The following CELF2 variants were observed in gnomAD, a reference collection of about 807,000 sequenced individuals.
CELF2 encodes the protein CUGBP Elav-like family member 2.
A neutral mutation model predicts 62.6 loss-of-function variants in CELF2; 8 were observed. That is an observed-to-expected ratio of 0.13 (90% CI 0.07 to 0.23). The LOEUF (loss-of-function observed/expected upper bound fraction) is 0.23, where lower values mean the gene tolerates loss of function less well. Ranked by LOEUF, CELF2 falls within the 10% of genes least tolerant of loss-of-function variation. The probability of loss-of-function intolerance (pLI) is 1.00; values close to 1 mark genes in which losing one functional copy is unlikely to be tolerated. For synonymous variants in CELF2, 258 were observed against 250.0 expected (o/e 1.03, Z -0.30); for missense variants, 333 against 671.0 (o/e 0.50, Z 5.56).
At chr10:11,141,916 ATAT>A (rs1282315019) in intron 1 of CELF2, among the ~76,000 whole-genome samples, 3 of 152,368 alleles carry the variant, frequency 2.0e-5, no homozygotes, top group East Asian at 3.9e-4. Flanking sequence ...TGCAGCTGAC[ATAT>A]TATTAATGAG....
the CELF2 span, among the ~76,000 whole-genome samples, chr10:10,582,247 T>C: frequency 2.0e-5 from 3 of 152,194 alleles, no homozygotes; most frequent in Non-Finnish European, 4.4e-5. Context: ...TATGTCAGTA[T>C]TTTTATAGCA....
At chr10:11,141,047 G>A (rs186493114) in intron 1 of CELF2, among the ~76,000 whole-genome samples, 4 of 152,174 alleles carry the variant, frequency 2.6e-5, no homozygotes, top group Non-Finnish European at 4.4e-5. Context: ...TAACTTTTGT[G>A]TATTCGTAGA....
In CELF2 at chr10:11,018,183, G is replaced by A. The variant is rs778231603; in HGVS notation, c.74+20G>A. The A allele has an allele frequency of 1.1e-5, 17 of 1,507,424 alleles. No individual in the cohort carries two copies. The South Asian group carries it at 1.6e-4, about 14-fold the overall frequency. The allele number at this position is 1,507,424 out of a possible 1,614,324, so 93.4% of individuals were successfully genotyped here. A position where few individuals can be genotyped will look rare whatever the true frequency, so the allele number is the denominator to read the frequency against. Reference sequence around the variant, plus strand: ...CAGAATGTGAGTGGCGCCGCGTCCCGAGGCCGGGCGAGCGGGCGTCCTCCT... The same window carrying A: ...CAGAATGTGAGTGGCGCCGCGTCCCAAGGCCGGGCGAGCGGGCGTCCTCCT... On this transcript the variant is annotated intron_variant, in intron 1 of 12. Transcript: ENST00000633077.
Position 11,008,812 on chromosome 10 carries a change from A to G in CELF2, c.53+3372A>G, listed in dbSNP as rs979406338. Among the ~76,000 whole-genome samples the G allele has an allele frequency of 3.9e-5, 6 of 152,114 alleles. No homozygotes were observed. Among genetic ancestry groups the G allele is most frequent in the African/African-American group, 1.4e-4 (6 of 41,424 alleles). On this transcript the variant is annotated intron_variant, in intron 1 of 12. Transcript: ENST00000416382. This position sits in a 1 kb window ranked among gnomAD's most constrained non-coding sequence, Gnocchi z 4.5. Reference sequence around the variant, plus strand: ...AAATATCCCACTTAGATTTCTTTGTATGGAGATTTCTGTAACAGTCATTAA... The same window carrying G: ...AAATATCCCACTTAGATTTCTTTGTGTGGAGATTTCTGTAACAGTCATTAA...
At chr10:10,686,410 A>T in the CELF2 span, among the ~76,000 whole-genome samples, 23 of 150,976 alleles carry the variant, frequency 1.5e-4, no homozygotes, top group African/African-American at 5.1e-4. Context: ...TCCCCATTAC[A>T]TTGGCAGGGT....
the CELF2 span, among the ~76,000 whole-genome samples, chr10:10,696,346 G>T: frequency 2.0e-5 from 3 of 151,762 alleles, no homozygotes; most frequent in Admixed American, 6.6e-5. Flanking sequence ...CACTTGAGGA[G>T]GCAGTCTGCC....
chr10:10,683,519 G>A, the CELF2 span, among the ~76,000 whole-genome samples: 173 of 152,324 alleles, frequency 1.1e-3, no homozygotes, highest in African/African-American at 3.6e-3. Context: ...GCACTGAGCT[G>A]TGAGCAGAAG....
intron 12 of CELF2, among the ~76,000 whole-genome samples, chr10:11,327,534 T>G (rs2095815754): frequency 6.6e-6 from 1 of 152,168 alleles, no homozygotes; most frequent in African/African-American, 2.4e-5. Context: ...GGGCTGCCAG[T>G]CATAAGGTAG....
the CELF2 span, among the ~76,000 whole-genome samples, chr10:10,623,067 C>T: frequency 7.0e-5 from 8 of 114,620 alleles, no homozygotes; most frequent in African/African-American, 2.8e-4. Context: ...ACCTGGGCGA[C>T]AGAGAGAGAC....
the CELF2 span, among the ~76,000 whole-genome samples, chr10:10,535,317 C>T: frequency 6.6e-6 from 1 of 152,210 alleles, no homozygotes; most frequent in East Asian, 1.9e-4. Flanking sequence ...GAGATGCCCT[C>T]TGGTTCCCAT....
intron 5 of CELF2, among the ~76,000 whole-genome samples, chr10:11,259,677 A>C (rs2079899820): frequency 6.6e-6 from 1 of 152,162 alleles, no homozygotes; most frequent in Non-Finnish European, 1.5e-5. Context: ...TCTGGCTCCC[A>C]AACAGCCTCA....
At chr10:10,570,955 TA>T in the CELF2 span, among the ~76,000 whole-genome samples, 1 of 152,250 alleles carries the variant, frequency 6.6e-6, no homozygotes, top group East Asian at 1.9e-4. Flanking sequence ...CTAAGCTGGT[TA>T]AATAAAATCA....
chr10:10,571,219 T>C, the CELF2 span, among the ~76,000 whole-genome samples: 1 of 151,988 alleles, frequency 6.6e-6, no homozygotes, highest in Non-Finnish European at 1.5e-5. Context: ...AAAAGCAAAA[T>C]ATTCAGACAG....
chr10:10,544,880 T>C, the CELF2 span, among the ~76,000 whole-genome samples: 2 of 152,226 alleles, frequency 1.3e-5, no homozygotes, highest in African/African-American at 4.8e-5. Context: ...CCGAATTTGA[T>C]ATTCTATAGG....
At chr10:10,616,166 G>A in the CELF2 span, among the ~76,000 whole-genome samples, 1 of 152,086 alleles carries the variant, frequency 6.6e-6, no homozygotes, top group Admixed American at 6.5e-5. Flanking sequence ...TTTCTCCTAG[G>A]AGCAGTGGTT....
At chr10:11,004,614 T>C (rs2054888962), upstream of CELF2, among the ~76,000 whole-genome samples, 1 of 152,174 alleles carries the variant, frequency 6.6e-6, no homozygotes, top group Admixed American at 6.5e-5. The surrounding 1 kb of genome is among the most constrained non-coding windows in gnomAD (Gnocchi z 5.0). Context: ...TGCTCCTGTG[T>C]CGATGAGGAC....
chr10:11,223,041 C>G lies in CELF2; in HGVS notation c.354+5534C>G, dbSNP rs776306208. ...CAGCCTGCTGGCTTAGTCTCAATTA[C>G]TTTGTAGCGAACTTTCTTATTTGAG... On this transcript the variant is annotated intron_variant, in intron 3 of 12. Coordinates refer to ENST00000633077, the MANE Select transcript of CELF2 (RefSeq NM_001326342.2). The surrounding 1 kb of genome is among the most constrained non-coding windows in gnomAD (Gnocchi z 5.1). Among the ~76,000 whole-genome samples, 25 of 152,234 alleles carry G rather than the reference C, an allele frequency of 1.6e-4. No homozygotes were observed. Among genetic ancestry groups the G allele is most frequent in the African/African-American group, 6.0e-4 (25 of 41,462 alleles).
At chr10:10,740,712 T>C in the CELF2 span, among the ~76,000 whole-genome samples, 10 of 152,262 alleles carry the variant, frequency 6.6e-5, no homozygotes, top group Non-Finnish European at 1.2e-4. Flanking sequence ...GAAATATATG[T>C]ATGTATATAT....
intron 1 of CELF2, among the ~76,000 whole-genome samples, chr10:10,830,492 T>G (rs536274139): frequency 2.6e-5 from 4 of 152,296 alleles, no homozygotes; most frequent in African/African-American, 9.6e-5. Flanking sequence ...CCAAGTTTGA[T>G]TCGTCATTTT....
Sources: allele counts gnomAD v4.1 joint callset (sites outside exome capture counted in the v4.1 genomes callset), GRCh38; gene constraint gnomAD v4.1.1; non-coding constraint Gnocchi (gnomAD v3.1); transcripts MANE v1.5; gene names NCBI Gene and HGNC (gene_info 2026-07-23, HGNC 2026-07-21).